Variants in ADCY6 observed in about 807,000 individuals in gnomAD.
ADCY6 encodes the protein adenylate cyclase type 6.
ADCY6 carries 59 observed loss-of-function variants against 111.6 expected under a neutral mutation model. The observed-to-expected ratio is 0.53, with a 90% CI of 0.43 to 0.66. The LOEUF (loss-of-function observed/expected upper bound fraction) is 0.66. Ranked by LOEUF, ADCY6 falls within the 30% of genes least tolerant of loss-of-function variation. The pLI, the probability that ADCY6 is intolerant of heterozygous loss-of-function variation, is 0.00. For missense variants in ADCY6, 1,242 were observed against 1,595.6 expected, an observed-to-expected ratio of 0.78 and a Z score of 3.78; for synonymous variants, 576 against 642.9, an observed-to-expected ratio of 0.90 and a Z score of 1.57.
In ADCY6 at chr12:48,774,756, A is replaced by G. The variant is rs1941649105; in HGVS notation, c.2101T>C (p.Tyr701His). 1.2e-6 allele frequency: 2 copies of G among 1,614,168 alleles called. No individual in the cohort carries two copies. The highest frequency in any genetic ancestry group is 2.2e-5 in the South Asian group (2 of 91,082). ...AGCAGCAGCAGGAAGATGCTGGCAT[A>G]GATCCCAAGCATCAGGGTGGAGCTG... is the stretch of plus-strand genomic sequence containing the variant. ...FPHSTLMLGI[Y>H]ASIFLLLLIT... is the part of the protein sequence containing the mutation. Residue 701 changes from tyrosine to histidine, a missense_variant, in exon 13 of 22, where the codon TAT becomes CAT. Tyr to His is a moderately conservative substitution (Grantham distance 83, BLOSUM62 2). Coordinates refer to ENST00000357869, the MANE Select transcript of ADCY6 (RefSeq NM_015270.5).
At chr12:48,779,992 G>A (rs1237308687) in intron 2 of ADCY6, among the ~76,000 whole-genome samples, 1 of 152,114 alleles carries the variant, frequency 6.6e-6, no homozygotes, top group African/African-American at 2.4e-5. Flanking sequence ...CAACTAGGCT[G>A]AGCTCCCCCT....
intron 14 of ADCY6, 38 bp downstream of exon 14, chr12:48,774,364 A>G (rs764420102): frequency 6.4e-7 from 1 of 1,565,078 alleles, no homozygotes; most frequent in Non-Finnish European, 8.8e-7. Flanking sequence ...AGTGCTTGGC[A>G]CAGAGCAGAG....
At chr12:48,785,234 C>G (rs1342151375) in intron 1 of ADCY6, among the ~76,000 whole-genome samples, 3 of 152,222 alleles carry the variant, frequency 2.0e-5, no homozygotes, top group Non-Finnish European at 4.4e-5. Context: ...CATTTTCTGT[C>G]TCTCCTGACT....
At chr12:48,780,907 T>G (rs562930570) in intron 2 of ADCY6, among the ~76,000 whole-genome samples, 25 of 152,234 alleles carry the variant, frequency 1.6e-4, no homozygotes, top group African/African-American at 5.8e-4. Context: ...CGTTCTGGCA[T>G]TCTGGCATTC....
At chr12:48,769,923 G>A (rs1365947018) in intron 20 of ADCY6, among the ~76,000 whole-genome samples, 31 of 151,756 alleles carry the variant, frequency 2.0e-4, no homozygotes, top group Non-Finnish European at 3.8e-4. Context: ...CACCACACCC[G>A]GCTAATTTTT....
At position 48,766,408 on chromosome 12, in the gene ADCY6, G is replaced by C. The variant is rs567512112; in HGVS notation, c.*2183C>G. ...CTGGCACTGTGGTACGGGGATCCAGGGTGTGGACAGGCCCTCCCACCTGGC... is the reference window on the plus strand; with the variant it reads ...CTGGCACTGTGGTACGGGGATCCAGCGTGTGGACAGGCCCTCCCACCTGGC... On this transcript the variant is annotated 3_prime_UTR_variant, in exon 22 of 22. Coordinates refer to ENST00000357869, the MANE Select transcript of ADCY6 (RefSeq NM_015270.5). 33 of 152,682 alleles carry C rather than the reference G, an allele frequency of 2.2e-4. No homozygotes were observed. Among genetic ancestry groups the C allele is most frequent in the African/African-American group, 7.7e-4 (32 of 41,482 alleles). 9.5% of individuals were successfully genotyped at this position (152,682 alleles called of 1,614,324 possible).
At chr12:48,773,733 C>A (rs55800627) in intron 15 of ADCY6, 86 bp from the exon 16 acceptor site, 6 of 1,546,838 alleles carry the variant, frequency 3.9e-6, no homozygotes, top group Non-Finnish European at 4.4e-6. Flanking sequence ...TCCTGCCTGA[C>A]CTAACCTTCC....
chr12:48,768,722 G>A lies in ADCY6; in HGVS notation c.3382-6C>T, dbSNP rs368449591. The A allele has an allele frequency of 3.7e-6, 6 of 1,613,400 alleles. No individual in the cohort carries two copies. In the African/African-American group the frequency reaches 6.7e-5, roughly 18 times the overall value. On this transcript the variant is annotated splice_region_variant and splice_polypyrimidine_tract_variant and intron_variant, in intron 21 of 21. Coordinates refer to ENST00000357869, the MANE Select transcript of ADCY6 (RefSeq NM_015270.5). ...TGGTACAGGTCCGTGGTCACCTGGGGGAGTGGGAGGGGAGCCCGCTTAGCC... is the reference window on the plus strand; with the variant it reads ...TGGTACAGGTCCGTGGTCACCTGGGAGAGTGGGAGGGGAGCCCGCTTAGCC...
rs1313691969 is a variant in ADCY6 at position 48,776,064 on chromosome 12, G to A, written c.1705C>T (p.Leu569=). The change falls in exon 9 of 22, where the codon CTG becomes TTG. Residue 569 remains leucine, a synonymous_variant. Transcript: ENST00000357869. The surrounding 1 kb of genome is among the most constrained non-coding windows in gnomAD (Gnocchi z 6.1). The stretch of plus-strand genomic sequence containing the variant: ...ATGGAGTTGGCCCGAGTCCGCTGCA[G>A]CTTGGCCAGCATGGCCTTCTCCTCT... ...RKEEKAMLAK[L]QRTRANSMEG... The A allele has an allele frequency of 1.9e-6, 3 of 1,613,682 alleles. No homozygotes were observed. Among genetic ancestry groups the A allele is most frequent in the South Asian group, 1.1e-5 (1 of 90,982 alleles).
intron 1 of ADCY6, among the ~76,000 whole-genome samples, chr12:48,788,385 A>G (rs1029614113): frequency 6.6e-5 from 10 of 152,170 alleles, no homozygotes; most frequent in East Asian, 1.9e-4. Context: ...TGCTTTGAAT[A>G]AAGTCAGCTC....
rs555286419 is a variant in ADCY6 at position 48,778,435 on chromosome 12, C to T, written c.865-178G>A. ...TATCTCTCCCATTACCCACAGGACC[C>T]CAGATCCCAGCCAACTGCCTGAATC... On this transcript the variant is annotated intron_variant, in intron 2 of 21. Coordinates refer to ENST00000357869, the MANE Select transcript of ADCY6 (RefSeq NM_015270.5). The T allele has an allele frequency of 1.5e-5, 10 of 668,962 alleles. No homozygotes were observed. The African/African-American group carries it at 1.6e-4, about 11-fold the overall frequency. The allele number at this position is 668,962 out of a possible 1,614,324, so 41.4% of individuals were successfully genotyped here.
In ADCY6 at chr12:48,774,001, T is replaced by C; in HGVS notation, c.2381A>G (p.Tyr794Cys). 1 of 1,613,366 alleles carries C rather than the reference T, an allele frequency of 6.2e-7. No individual in the cohort carries two copies. The highest frequency in any genetic ancestry group is 1.7e-5 in the Admixed American group (1 of 59,932). The change falls in exon 15 of 22, where the codon TAC (tyrosine) becomes TGC (cysteine). Residue 794 changes from tyrosine (Y) to cysteine (C), a missense_variant. Coordinates refer to ENST00000357869, the MANE Select transcript of ADCY6 (RefSeq NM_015270.5). ...CAGGGGAGCATCCAGGCCCAGAGAG[T>C]AATTGAGCTGCTGCAGGTGGCAGGC... is the stretch of plus-strand genomic sequence containing the variant. ...ITACHLQQLN[Y>C]SLGLDAPLCE...
At position 48,776,526 on chromosome 12, in the gene ADCY6, G is replaced by A. The variant is rs3730068; in HGVS notation, c.1437C>T (p.Arg479=). The stretch of plus-strand genomic sequence containing the variant: ...GCAAGCCAAGGACGCCGCAGTGCAC[G>A]CGCCCGCTGTGGATGCCCACGCGCA... The part of the protein sequence containing the change: ...VNMRVGIHSG[R]VHCGVLGLRK... The change falls in exon 7 of 22, where the codon CGC becomes CGT. Residue 479 remains arginine, a synonymous_variant. Transcript: ENST00000357869. This position sits in a 1 kb window ranked among gnomAD's most constrained non-coding sequence, Gnocchi z 6.1. 10,683 of 1,613,808 alleles carry A rather than the reference G, an allele frequency of 6.6e-3. 564 individuals carry two copies. In the African/African-American group the frequency reaches 0.12, roughly 18 times the overall value.
rs1297891611 is a variant in ADCY6, at chr12:48,776,747, G to C, written c.1377-161C>G. Among the ~76,000 whole-genome samples, 1 of 152,146 alleles carries C rather than the reference G, an allele frequency of 6.6e-6. No homozygotes were observed. The highest frequency in any genetic ancestry group is 1.5e-5 in the Non-Finnish European group (1 of 68,034). On this transcript the variant is annotated intron_variant, in intron 6 of 21. Coordinates refer to ENST00000357869, the MANE Select transcript of ADCY6 (RefSeq NM_015270.5). This position sits in a 1 kb window ranked among gnomAD's most constrained non-coding sequence, Gnocchi z 6.1. ...TGGACATGAGCAGAAGGCTGCATGG[G>C]GCTCAAGGACAAATGTTAAGGCTGT...
In ADCY6 at chr12:48,783,246, G is replaced by A; in HGVS notation, c.189C>T (p.Cys63=). The change falls in exon 2 of 22, where the codon TGC becomes TGT. Residue 63 remains cysteine (C), a synonymous_variant. Transcript: ENST00000357869. ...GGATGAAGGCGTCATCCTGCCAGGG[G>A]CACCGAGGGGGGCCCGCAGGGGTGG... ...PSPTPAGPPR[C]PWQDDAFIRR... 1 of 1,609,744 alleles carries A rather than the reference G, an allele frequency of 6.2e-7. No individual in the cohort carries two copies. The highest frequency in any genetic ancestry group is 8.5e-7 in the Non-Finnish European group (1 of 1,179,336).
chr12:48,771,877 C>G lies in ADCY6; in HGVS notation c.2884G>C (p.Ala962Pro). 1 of 1,614,188 alleles carries G rather than the reference C, an allele frequency of 6.2e-7. No homozygotes were observed. Among genetic ancestry groups the G allele is most frequent in the Middle Eastern group, 1.6e-4 (1 of 6,062 alleles). Residue 962 changes from alanine to proline, a missense_variant, in exon 19 of 22, where the codon GCC becomes CCC. Physicochemically the swap from Ala to Pro is conservative, Grantham distance 27. Coordinates refer to ENST00000357869, the MANE Select transcript of ADCY6 (RefSeq NM_015270.5). This position sits in a 1 kb window ranked among gnomAD's most constrained non-coding sequence, Gnocchi z 4.3. ...AGTTCATCATTGCGGCGCTCCCGGG[C>G]CAGGAAGTGGGCCGCCACGTCCTTG... ...LPKDVAAHFL[A>P]RERRNDELYY...
In ADCY6 at chr12:48,777,034, C is replaced by T; in HGVS notation, c.1376+70G>A. On this transcript the variant is annotated intron_variant, in intron 6 of 21. Transcript: ENST00000357869. This position sits in a 1 kb window ranked among gnomAD's most constrained non-coding sequence, Gnocchi z 4.9. ...CAAAACTGAGGAAATCTCCTGAGGT[C>T]TCATCAAAAAGTAGGAGCAGTCTGG... The T allele has an allele frequency of 6.6e-7, 1 of 1,517,682 alleles. No homozygotes were observed. The allele number at this position is 1,517,682 out of a possible 1,614,324, so 94.0% of individuals were successfully genotyped here.
At chr12:48,774,212 G>A in intron 14 of ADCY6, 114 bp from the exon 15 acceptor site, 2 of 1,112,330 alleles carry the variant, frequency 1.8e-6, no homozygotes, top group African/African-American at 1.6e-5. Flanking sequence ...TACCCCATGG[G>A]CCTTAGTACT....
rs374571582 is a variant in ADCY6 at position 48,782,944 on chromosome 12, G to C, written c.491C>G (p.Ala164Gly). 6.2e-7 allele frequency: 1 copy of C among 1,613,400 alleles called. No individual in the cohort carries two copies. Among genetic ancestry groups the C allele is most frequent in the Non-Finnish European group, 8.5e-7 (1 of 1,179,890 alleles). Residue 164 changes from alanine to glycine, a missense_variant, in exon 2 of 22, where the codon GCG becomes GGG. Around this residue, in one of 4 missense-constraint regions of ADCY6, gnomAD observed 362 missense variants for 377.2 expected, o/e 0.96. Coordinates refer to ENST00000357869, the MANE Select transcript of ADCY6 (RefSeq NM_015270.5). The surrounding 1 kb of genome is among the most constrained non-coding windows in gnomAD (Gnocchi z 4.3). ...LLMAVLVLLT[A>G]VLLAFHAAPA... ...TGCGGCGTGGAAAGCCAGCAGCACCGCTGTGAGCAGCACCAGCACCGCCAT... is the reference window on the plus strand; with the variant it reads ...TGCGGCGTGGAAAGCCAGCAGCACCCCTGTGAGCAGCACCAGCACCGCCAT...
Sources: allele counts gnomAD v4.1 joint callset (sites outside exome capture counted in the v4.1 genomes callset), GRCh38; gene constraint gnomAD v4.1.1; regional missense constraint gnomAD v4.1.1; non-coding constraint Gnocchi (gnomAD v3.1); transcripts MANE v1.5; gene names NCBI Gene and HGNC (gene_info 2026-07-23, HGNC 2026-07-21).